The following TTC27 variants were observed in gnomAD, a reference collection of about 807,000 sequenced individuals.
TTC27 encodes the protein tetratricopeptide repeat protein 27.
Under a neutral mutation model 115.9 loss-of-function variants are expected in TTC27, and 79 were observed. The observed-to-expected ratio is 0.68, with a 90% CI of 0.57 to 0.82. The LOEUF is 0.82. Ranked by LOEUF, TTC27 falls within the 40% of genes least tolerant of loss-of-function variation. The probability of loss-of-function intolerance (pLI) is 0.00; values close to 1 mark genes in which losing one functional copy is unlikely to be tolerated. For missense variants in TTC27, 1,054 were observed against 993.1 expected (o/e 1.06, Z -0.82); for synonymous variants, 401 against 356.0 (o/e 1.13, Z -1.42).
intron 9 of TTC27, among the ~76,000 whole-genome samples, chr2:32,680,099 T>C (rs1026120564): frequency 2.0e-5 from 3 of 152,186 alleles, no homozygotes; most frequent in East Asian, 1.9e-4. Flanking sequence ...GGTTAGGTGT[T>C]AAGTCGTTTG....
At chr2:32,650,856 C>A (rs537881282) in intron 5 of TTC27, among the ~76,000 whole-genome samples, 7 of 152,054 alleles carry the variant, frequency 4.6e-5, no homozygotes, top group African/African-American at 7.2e-5. Context: ...TAATTATAAG[C>A]CAAACATCCA....
chr2:32,641,513 C>G (rs1323838287), intron 4 of TTC27, among the ~76,000 whole-genome samples: 1 of 152,208 alleles, frequency 6.6e-6, no homozygotes, highest in East Asian at 1.9e-4. Context: ...TATACGGAAA[C>G]CAGTAGTGGG....
intron 13 of TTC27, among the ~76,000 whole-genome samples, chr2:32,772,458 A>G (rs1356582230): frequency 1.3e-5 from 2 of 152,228 alleles, no homozygotes; most frequent in Non-Finnish European, 1.5e-5. Context: ...GATGGTGCAA[A>G]AATGATACAT....
In TTC27 at chr2:32,682,812, G is replaced by A. The variant is rs1219603326; in HGVS notation, c.1119+3890G>A. On this transcript the variant is annotated intron_variant, in intron 9 of 19. Coordinates refer to ENST00000317907, the MANE Select transcript of TTC27 (RefSeq NM_017735.5). ...GCTTCCCGAGTAGCTGGGACTACAG[G>A]CATGGGCCACCACACCCGGATAATT... Among the ~76,000 whole-genome samples, 6 of 146,282 alleles carry A rather than the reference G, an allele frequency of 4.1e-5. No individual in the cohort carries two copies. The East Asian group carries it at 1.2e-3, about 29-fold the overall frequency.
At chr2:32,819,240 A>G (rs1002882150) in intron 19 of TTC27, among the ~76,000 whole-genome samples, 1 of 151,738 alleles carries the variant, frequency 6.6e-6, no homozygotes, top group East Asian at 1.9e-4. Flanking sequence ...GGTACTGCAC[A>G]CCTTCCCATA....
intron 16 of TTC27, among the ~76,000 whole-genome samples, chr2:32,791,111 A>G (rs556722131): frequency 2.6e-5 from 4 of 152,338 alleles, no homozygotes; most frequent in South Asian, 4.1e-4. Context: ...TTATTCATCT[A>G]TCATAAAACT....
chr2:32,786,972 G>T lies in TTC27; in HGVS notation c.1833-12G>T. ...TTCATTATTGCTCTCTTTAAAATTT[G>T]ACCTTCAATAGAGTAAAAGCTTTTA... On this transcript the variant is annotated splice_polypyrimidine_tract_variant and intron_variant, in intron 15 of 19. Coordinates refer to ENST00000317907, the MANE Select transcript of TTC27 (RefSeq NM_017735.5). 2 of 1,593,614 alleles carry T rather than the reference G, an allele frequency of 1.3e-6. No individual in the cohort carries two copies. Among genetic ancestry groups the T allele is most frequent in the South Asian group, 1.2e-5 (1 of 86,668 alleles).
chr2:32,724,813 A>G (rs1280598945), intron 10 of TTC27, among the ~76,000 whole-genome samples: 6 of 152,230 alleles, frequency 3.9e-5, no homozygotes, highest in African/African-American at 1.4e-4. Context: ...TTGTTACTGT[A>G]TTAGTCCATT....
intron 4 of TTC27, among the ~76,000 whole-genome samples, chr2:32,646,053 GA>G (rs1403692389): frequency 6.8e-6 from 1 of 146,580 alleles, no homozygotes; most frequent in Non-Finnish European, 1.5e-5. Context: ...TTTTGAGATG[GA>G]GTCTCGCTCT....
At position 32,725,451 on chromosome 2, in the gene TTC27, G is replaced by A. The variant is rs147315541; in HGVS notation, c.1234-8377G>A. 2.0e-3 allele frequency among the ~76,000 whole-genome samples: 304 copies of A among 152,148 alleles called. 10 individuals carry two copies. In the East Asian group the frequency reaches 0.049, roughly 25 times the overall value. ...GAGGCTATGGGCCCCATGCAAGTCC[G>A]AAATCCAGCGGGGCAATCAAATCTG... On this transcript the variant is annotated intron_variant, in intron 10 of 19. Transcript: ENST00000317907.
At chr2:32,698,122 C>G (rs1007881551) in intron 9 of TTC27, among the ~76,000 whole-genome samples, 1 of 151,916 alleles carries the variant, frequency 6.6e-6, no homozygotes, top group Admixed American at 6.6e-5. Context: ...TGCCATGAAG[C>G]AAATGGAATA....
At chr2:32,804,186 A>G (rs537332668) in intron 16 of TTC27, among the ~76,000 whole-genome samples, 540 of 152,310 alleles carry the variant, frequency 3.5e-3, no homozygotes, top group Non-Finnish European at 6.4e-3. Context: ...AAAGATTAAA[A>G]AATTTTATAT....
intron 16 of TTC27, among the ~76,000 whole-genome samples, chr2:32,793,784 A>G (rs1444905136): frequency 6.6e-6 from 1 of 152,130 alleles, no homozygotes; most frequent in South Asian, 2.1e-4. Flanking sequence ...CGGCCTCCCA[A>G]AGTGCTGGGA....
chr2:32,784,328 C>A (rs71446088), intron 15 of TTC27, among the ~76,000 whole-genome samples: 177 of 152,292 alleles, frequency 1.2e-3, no homozygotes, highest in Non-Finnish European at 2.2e-3. Flanking sequence ...TGAGATAAAT[C>A]ATTTCTTTAT....
chr2:32,744,878 T>A (rs1668764294), intron 12 of TTC27, among the ~76,000 whole-genome samples: 1 of 151,542 alleles, frequency 6.6e-6, no homozygotes, highest in Non-Finnish European at 1.5e-5. Context: ...TGAAACCCCA[T>A]CTCTACTAAA....
At chr2:32,728,037 CTTTTTTTTTTTTT>C (rs564322443) in intron 10 of TTC27, among the ~76,000 whole-genome samples, 2 of 105,338 alleles carry the variant, frequency 1.9e-5, no homozygotes, top group South Asian at 3.2e-4. Flanking sequence ...AGGACTGCCT[CTTTTTTTTTTTTT>C]TTTTTTTTTG....
intron 3 of TTC27, among the ~76,000 whole-genome samples, chr2:32,638,498 C>A (rs916702904): frequency 1.3e-5 from 2 of 152,166 alleles, no homozygotes; most frequent in Admixed American, 1.3e-4. Context: ...CCTGCTTCAG[C>A]CTCCTGAGTA....
chr2:32,771,563 G>A (rs1384688155), intron 13 of TTC27, among the ~76,000 whole-genome samples: 1 of 152,182 alleles, frequency 6.6e-6, no homozygotes, highest in Non-Finnish European at 1.5e-5. Context: ...AAATTTAGTT[G>A]ATCCTTTAGT....
Position 32,628,367 on chromosome 2 carries a change from G to T in TTC27, c.75G>T (p.Gly25=), listed in dbSNP as rs752747599. 1 of 1,603,878 alleles carries T rather than the reference G, an allele frequency of 6.2e-7. No individual in the cohort carries two copies. The highest frequency in any genetic ancestry group is 8.5e-7 in the Non-Finnish European group (1 of 1,176,412). ...EAERQQWKQE[G]VVGSESGSFL... is the part of the protein sequence containing the mutation. ...AGCGGCAGCAATGGAAACAGGAGGG[G>T]GTCGTCGGTTCAGGTGAGAGGCGCA... The change falls in exon 1 of 20, where the codon GGG becomes GGT. Residue 25 remains glycine, a synonymous_variant. Transcript: ENST00000317907.
Sources: gnomAD v4.1 joint callset for allele counts (sites outside exome capture counted in the v4.1 genomes callset) on GRCh38, gnomAD v4.1.1 for gene constraint, MANE v1.5 for transcripts, NCBI Gene and HGNC (gene_info 2026-07-23, HGNC 2026-07-21) for gene names.